The following CCR9 variants were observed in gnomAD, a reference collection of about 807,000 sequenced individuals.
CCR9 encodes C-C motif chemokine receptor 9, also known as C-C chemokine receptor type 9.
CCR9 carries 4 observed loss-of-function variants against 8.7 expected under a neutral mutation model. The ratio of observed to expected loss-of-function variants is 0.46; its 90% CI spans 0.23 to 1.06. The LOEUF (loss-of-function observed/expected upper bound fraction) is 1.06. CCR9 is among the 50% of genes least tolerant of loss of function. The pLI, the probability that CCR9 is intolerant of heterozygous loss-of-function variation, is 0.21. For synonymous variants in CCR9, 159 were observed against 168.8 expected, an observed-to-expected ratio of 0.94 and a Z score of 0.45; for missense variants, 394 against 453.6, an observed-to-expected ratio of 0.87 and a Z score of 1.19.
At chr3:45,886,360 G>C (rs959086397), upstream of CCR9, 4 of 152,250 alleles carry the variant, frequency 2.6e-5, no homozygotes, top group Non-Finnish European at 5.9e-5. Context: ...CTTCAGATGA[G>C]ACAGTTTCCC....
rs572794450 is a variant in CCR9, at chr3:45,897,992, A to C, written c.22-2818A>C. Among the ~76,000 whole-genome samples, 218 of 149,528 alleles carry C rather than the reference A, an allele frequency of 1.5e-3. 1 individual carries two copies. The highest frequency in any genetic ancestry group is 9.5e-3 in the East Asian group (47 of 4,938). Reference sequence around the variant, plus strand: ...TATTTGACCAAAAAAAAAAAAAAAAAACACACAAAACACAAAACACCAACC... The same window carrying C: ...TATTTGACCAAAAAAAAAAAAAAAACACACACAAAACACAAAACACCAACC... On this transcript the variant is annotated intron_variant, in intron 2 of 2. Transcript: ENST00000357632.
chr3:45,899,732 T>C (rs1199169178), intron 2 of CCR9, among the ~76,000 whole-genome samples: 1 of 152,030 alleles, frequency 6.6e-6, no homozygotes, highest in Non-Finnish European at 1.5e-5. Flanking sequence ...GGAAGGAATG[T>C]AGCAGGCATG....
At chr3:45,891,633 A>G (rs992747541) in intron 1 of CCR9, among the ~76,000 whole-genome samples, 1 of 152,190 alleles carries the variant, frequency 6.6e-6, no homozygotes, top group Non-Finnish European at 1.5e-5. Context: ...CAGCACTATC[A>G]TCGAATTCAC....
Position 45,901,377 on chromosome 3 carries a change from A to G in CCR9, c.589A>G (p.Ile197Val), listed in dbSNP as rs1427713293. Reference sequence around the variant, plus strand: ...AATCAAGGAGGAATCCGGCATTGCTATCTGCACCATGGTTTACCCTAGCGA... The same window carrying G: ...AATCAAGGAGGAATCCGGCATTGCTGTCTGCACCATGGTTTACCCTAGCGA... The part of the protein sequence containing the change: ...SQIKEESGIA[I>V]CTMVYPSDES... The change falls in exon 3 of 3, where the codon ATC becomes GTC. Residue 197 changes from isoleucine to valine, a missense_variant. Physicochemically the swap from Ile to Val is conservative, Grantham distance 29. Transcript: ENST00000357632. This position sits in a 1 kb window ranked among gnomAD's most constrained non-coding sequence, Gnocchi z 4.3. 1.9e-6 allele frequency: 3 copies of G among 1,614,204 alleles called. No homozygotes were observed. Among genetic ancestry groups the G allele is most frequent in the Non-Finnish European group, 1.7e-6 (2 of 1,180,036 alleles).
chr3:45,890,844 C>T (rs1165475136), intron 1 of CCR9, among the ~76,000 whole-genome samples: 1 of 152,176 alleles, frequency 6.6e-6, no homozygotes, highest in Non-Finnish European at 1.5e-5. Context: ...CAGCCCCTGT[C>T]GGAATGCCAG....
rs114406614 is a variant in CCR9 at position 45,889,455 on chromosome 3, G to T, written c.-29+2800G>T. Among the ~76,000 whole-genome samples, 679 of 152,234 alleles carry T rather than the reference G, an allele frequency of 4.5e-3. 8 individuals are homozygous for T. The highest frequency in any genetic ancestry group is 0.016 in the African/African-American group (644 of 41,540). On this transcript the variant is annotated intron_variant, in intron 1 of 2. Transcript: ENST00000357632. ...CTCCTCTAGATGAGTTTTGTAAACA[G>T]GTGTGCTGAACGTTAGAGCATTGGG...
chr3:45,894,404 T>A (rs1306563705), intron 1 of CCR9, among the ~76,000 whole-genome samples: 1 of 152,170 alleles, frequency 6.6e-6, no homozygotes, highest in Non-Finnish European at 1.5e-5. Flanking sequence ...CAAAGGCCCT[T>A]TTCCTGGGGA....
intron 1 of CCR9, among the ~76,000 whole-genome samples, chr3:45,891,692 A>AT (rs1054339466): frequency 4.6e-5 from 7 of 151,816 alleles, no homozygotes; most frequent in East Asian, 1.9e-4. Context: ...CTTCACAATT[A>AT]TTTTTTTTCC....
Position 45,900,793 on chromosome 3 carries a change from CT to C in CCR9, c.22-15del. The C allele has an allele frequency of 6.3e-7, 1 of 1,597,270 alleles. No individual in the cohort carries two copies. Among genetic ancestry groups the C allele is most frequent in the Non-Finnish European group, 8.5e-7 (1 of 1,169,782 alleles). ...AATATTTTCCTTGACCTAATGCCATCTTGTGTCCCCTTGCAGAGCCCTATTC... is the reference window on the plus strand; with the variant it reads ...AATATTTTCCTTGACCTAATGCCATCTGTGTCCCCTTGCAGAGCCCTATTC... On this transcript the variant is annotated splice_polypyrimidine_tract_variant and intron_variant, in intron 2 of 2. Coordinates refer to ENST00000357632, the MANE Select transcript of CCR9 (RefSeq NM_031200.3). This position sits in a 1 kb window ranked among gnomAD's most constrained non-coding sequence, Gnocchi z 4.7.
chr3:45,901,233 G>T lies in CCR9; in HGVS notation c.445G>T (p.Ala149Ser), dbSNP rs1252320878. 6 of 1,614,042 alleles carry T rather than the reference G, an allele frequency of 3.7e-6. No individual in the cohort carries two copies. Among genetic ancestry groups the T allele is most frequent in the Non-Finnish European group, 4.2e-6 (5 of 1,180,024 alleles). ...CISVDRYIAI[A>S]QAMRAHTWRE... ...CAGCGTGGACAGGTACATTGCCATT[G>T]CCCAGGCCATGAGAGCACATACTTG... is the stretch of plus-strand genomic sequence containing the variant. The change falls in exon 3 of 3, where the codon GCC becomes TCC. Residue 149 changes from alanine (A) to serine (S), a missense_variant. Ala to Ser is a moderately conservative substitution (Grantham distance 99, BLOSUM62 1). Coordinates refer to ENST00000357632, the MANE Select transcript of CCR9 (RefSeq NM_031200.3). The surrounding 1 kb of genome is among the most constrained non-coding windows in gnomAD (Gnocchi z 4.3).
At chr3:45,888,347 C>T (rs1419499624) in intron 1 of CCR9, among the ~76,000 whole-genome samples, 1 of 152,180 alleles carries the variant, frequency 6.6e-6, no homozygotes, top group African/African-American at 2.4e-5. Context: ...CTCCTGGATT[C>T]TCCCCAGAGC....
In CCR9 at chr3:45,895,377, A is replaced by T. The variant is rs138651657; in HGVS notation, c.21+423A>T. 4.8e-3 allele frequency among the ~76,000 whole-genome samples: 724 copies of T among 152,370 alleles called. 5 individuals carry two copies. Among genetic ancestry groups the T allele is most frequent in the Admixed American group, 8.4e-3 (128 of 15,310 alleles). ...TGTAGACCTTATGAAAACACGTAAC[A>T]GTATACATTCCCCTGAAAGAGACCA... On this transcript the variant is annotated intron_variant, in intron 2 of 2. Transcript: ENST00000357632.
chr3:45,891,310 T>C (rs1216423189), intron 1 of CCR9, among the ~76,000 whole-genome samples: 1 of 152,248 alleles, frequency 6.6e-6, no homozygotes, highest in South Asian at 2.1e-4. Context: ...AAAAATTTAT[T>C]GTGAGTCTTA....
chr3:45,899,495 AT>A (rs1055582103), intron 2 of CCR9, among the ~76,000 whole-genome samples: 1 of 152,236 alleles, frequency 6.6e-6, no homozygotes, highest in Non-Finnish European at 1.5e-5. Flanking sequence ...ATAAAAACTT[AT>A]TGTGGATTTG....
chr3:45,902,163 TG>T lies in CCR9; in HGVS notation c.*267del. 2.8e-6 allele frequency: 1 copy of T among 354,196 alleles called. No individual in the cohort carries two copies. The highest frequency in any genetic ancestry group is 8.8e-5 in the South Asian group (1 of 11,356). 21.9% of individuals were successfully genotyped at this position (354,196 alleles called of 1,614,324 possible). A position where few individuals can be genotyped will look rare whatever the true frequency, so the allele number is the denominator to read the frequency against. Reference sequence around the variant, plus strand: ...TAAGGACCGGCACTGTGGAGCACCCTGGCTTTGCCACTCGCCGGAGCATCAA... The same window carrying T: ...TAAGGACCGGCACTGTGGAGCACCCTGCTTTGCCACTCGCCGGAGCATCAA... On this transcript the variant is annotated 3_prime_UTR_variant, in exon 3 of 3. Coordinates refer to ENST00000357632, the MANE Select transcript of CCR9 (RefSeq NM_031200.3).
chr3:45,888,683 G>T (rs1702054776), intron 1 of CCR9, among the ~76,000 whole-genome samples: 1 of 152,194 alleles, frequency 6.6e-6, no homozygotes, highest in South Asian at 2.1e-4. Context: ...TTGGTCATAT[G>T]TGGGATTTTC....
chr3:45,887,831 C>G (rs1304956997), intron 1 of CCR9, among the ~76,000 whole-genome samples: 1 of 152,170 alleles, frequency 6.6e-6, no homozygotes, highest in African/African-American at 2.4e-5. Context: ...GTGGATGGAT[C>G]TGATAGATGG....
intron 1 of CCR9, among the ~76,000 whole-genome samples, chr3:45,887,251 C>CTG (rs36040178): frequency 0.43 from 64,202 of 149,040 alleles, 13,888 homozygotes; most frequent in Admixed American, 0.56. Context: ...GCGTGTGTGT[C>CTG]TGTGTGTGTG....
chr3:45,899,067 G>A (rs1430257458), intron 2 of CCR9, among the ~76,000 whole-genome samples: 1 of 152,224 alleles, frequency 6.6e-6, no homozygotes, highest in East Asian at 1.9e-4. Context: ...TCAGGAGGCT[G>A]AGGCAGGAGA....
Sources: gnomAD v4.1 joint callset for allele counts (sites outside exome capture counted in the v4.1 genomes callset) on GRCh38, gnomAD v4.1.1 for gene constraint, Gnocchi (gnomAD v3.1) non-coding constraint, MANE v1.5 for transcripts, NCBI Gene and HGNC (gene_info 2026-07-23, HGNC 2026-07-21) for gene names.